NME5: variants seen among roughly 807,000 people sequenced by gnomAD.
NME5 encodes the protein NME/NM23 family member 5.
A neutral mutation model predicts 21.6 loss-of-function variants in NME5; 18 were observed. The ratio of observed to expected loss-of-function variants is 0.83; its 90% CI spans 0.58 to 1.24. The LOEUF is 1.24. Among genes scored for constraint, NME5 ranks in the 50% most tolerant of loss-of-function variants. NME5 has a pLI of 0.00. For missense variants in NME5, 223 were observed against 255.4 expected (o/e 0.87, Z 0.86); for synonymous variants, 70 against 80.6 (o/e 0.87, Z 0.71).
At chr5:138,138,360 A>G (rs1198892269) in intron 2 of NME5, 5 of 292,458 alleles carry the variant, frequency 1.7e-5, no homozygotes, top group South Asian at 7.4e-5. Flanking sequence ...TTATGGGGGG[A>G]AAATGTTTAT....
In NME5 at chr5:138,137,249, G is replaced by A. The variant is rs189899018; in HGVS notation, c.129+1403C>T. Among the ~76,000 whole-genome samples, 207 of 151,878 alleles carry A rather than the reference G, an allele frequency of 1.4e-3. 1 individual carries two copies. Among genetic ancestry groups the A allele is most frequent in the African/African-American group, 4.6e-3 (189 of 41,402 alleles). ...ACTTTCTTGTGCCATCCCTACTCTC[G>A]GACTCCACCTGTCCTTTGAAGCTCA... On this transcript the variant is annotated intron_variant, in intron 2 of 5. Transcript: ENST00000265191.
chr5:138,135,610 CAGGCATG>C (rs1254688553), intron 2 of NME5, among the ~76,000 whole-genome samples: 1 of 152,098 alleles, frequency 6.6e-6, no homozygotes, highest in African/African-American at 2.4e-5. Context: ...GCTGGGTTTA[CAGGCATG>C]AGCCACTGCA....
chr5:138,119,028 AT>A (rs1446165707), intron 4 of NME5, 92 bp from the exon 5 acceptor site: 6 of 711,178 alleles, frequency 8.4e-6, no homozygotes, highest in Admixed American at 2.9e-5. Context: ...ACTTTTCTCT[AT>A]TTTTTTATAT....
At chr5:138,121,702 G>A (rs1191825123) in intron 4 of NME5, among the ~76,000 whole-genome samples, 3 of 152,166 alleles carry the variant, frequency 2.0e-5, no homozygotes, top group Non-Finnish European at 2.9e-5. Flanking sequence ...TGGCTTTGCA[G>A]TAAGTTTCAA....
chr5:138,127,039 G>A (rs192133713), intron 4 of NME5, among the ~76,000 whole-genome samples: 4 of 152,212 alleles, frequency 2.6e-5, no homozygotes, highest in South Asian at 2.1e-4. Context: ...AAGACCTCTC[G>A]CTGGGCACGG....
chr5:138,123,943 G>A (rs771792738), intron 4 of NME5, among the ~76,000 whole-genome samples: 1 of 141,578 alleles, frequency 7.1e-6, no homozygotes, highest in Non-Finnish European at 1.5e-5. Context: ...ATCTCACCGT[G>A]GTTTTGATCT....
intron 5 of NME5, 109 bp from the exon 6 acceptor site, chr5:138,115,873 A>G: frequency 3.1e-6 from 2 of 637,652 alleles, no homozygotes; most frequent in Non-Finnish European, 5.0e-6. Context: ...ACTTTAAGAA[A>G]ATGACCATTA....
At chr5:138,130,924 T>TA (rs1295662104) in intron 2 of NME5, among the ~76,000 whole-genome samples, 2 of 146,928 alleles carry the variant, frequency 1.4e-5, no homozygotes, top group Non-Finnish European at 3.0e-5. Context: ...AGACTCCGTC[T>TA]AAAAAAAAGA....
At chr5:138,137,577 A>G (rs1751727302) in intron 2 of NME5, among the ~76,000 whole-genome samples, 2 of 151,084 alleles carry the variant, frequency 1.3e-5, no homozygotes, top group South Asian at 4.2e-4. Context: ...CGGCCTCCCA[A>G]AGTGCTGGGA....
chr5:138,131,249 C>A (rs1210157877), intron 2 of NME5, among the ~76,000 whole-genome samples: 2 of 145,426 alleles, frequency 1.4e-5, no homozygotes, highest in Non-Finnish European at 3.0e-5. Flanking sequence ...GCCGTGGTGG[C>A]GGGCACCTAT....
At chr5:138,117,915 C>A (rs1446437351) in intron 5 of NME5, among the ~76,000 whole-genome samples, 1 of 151,584 alleles carries the variant, frequency 6.6e-6, no homozygotes, top group Admixed American at 6.6e-5. Flanking sequence ...ACCTGGGGGG[C>A]GGAGGTTGCA....
At chr5:138,118,049 T>C (rs1371194539) in intron 5 of NME5, among the ~76,000 whole-genome samples, 1 of 152,132 alleles carries the variant, frequency 6.6e-6, no homozygotes, top group Non-Finnish European at 1.5e-5. Flanking sequence ...TAATTATACA[T>C]ATCTAACATG....
At chr5:138,135,976 T>A (rs1950291583) in intron 2 of NME5, among the ~76,000 whole-genome samples, 1 of 152,226 alleles carries the variant, frequency 6.6e-6, no homozygotes, top group South Asian at 2.1e-4. Flanking sequence ...TTTGCTTTCT[T>A]CCGTTAACAG....
chr5:138,126,126 A>C (rs990459632), intron 4 of NME5, among the ~76,000 whole-genome samples: 6 of 152,168 alleles, frequency 3.9e-5, no homozygotes, highest in Non-Finnish European at 8.8e-5. Context: ...TTTATCCTAC[A>C]ACTTGCTGCT....
chr5:138,124,612 C>A (rs1751358122), intron 4 of NME5, among the ~76,000 whole-genome samples: 1 of 152,192 alleles, frequency 6.6e-6, no homozygotes, highest in Non-Finnish European at 1.5e-5. Context: ...CCTCGACCTG[C>A]TGGGCTCAAG....
At chr5:138,124,950 G>A (rs1490558023) in intron 4 of NME5, among the ~76,000 whole-genome samples, 1 of 152,062 alleles carries the variant, frequency 6.6e-6, no homozygotes, top group African/African-American at 2.4e-5. Context: ...TTGAGACAGG[G>A]TCTCACTCTG....
chr5:138,138,750 A>C lies in NME5; in HGVS notation c.31T>G (p.Tyr11Asp), dbSNP rs911109707. 5.0e-6 allele frequency: 8 copies of C among 1,612,268 alleles called. No individual in the cohort carries two copies. The highest frequency in any genetic ancestry group is 6.8e-6 in the Non-Finnish European group (8 of 1,179,550). The change falls in exon 2 of 6, where the codon TAT (tyrosine) becomes GAT (aspartate). Residue 11 changes from tyrosine to aspartate, a missense_variant. Coordinates refer to ENST00000265191, the MANE Select transcript of NME5 (RefSeq NM_003551.3). ...ATAATGGCCAGAGTTTTTTCTACAT[A>C]TATCTGAGGTGGAGGCATTGATATC... MEISMPPPQIYVEKTLAIIKP... is the reference protein window; with the variant it reads MEISMPPPQIDVEKTLAIIKP...
intron 4 of NME5, among the ~76,000 whole-genome samples, chr5:138,122,068 C>A (rs1175402919): frequency 2.6e-5 from 4 of 152,062 alleles, no homozygotes; most frequent in Non-Finnish European, 5.9e-5. Flanking sequence ...TATGGAATAT[C>A]TATTATTTAT....
intron 4 of NME5, among the ~76,000 whole-genome samples, chr5:138,119,579 C>T (rs1236442713): frequency 2.0e-5 from 3 of 152,180 alleles, no homozygotes; most frequent in South Asian, 2.1e-4. Context: ...AAATAATCTG[C>T]CTGCCTCAGC....
Sources: gnomAD v4.1 joint callset for allele counts (sites outside exome capture counted in the v4.1 genomes callset) on GRCh38, gnomAD v4.1.1 for gene constraint, MANE v1.5 for transcripts, NCBI Gene and HGNC (gene_info 2026-07-23, HGNC 2026-07-21) for gene names.